The following PXDNL variants were observed in gnomAD, a reference collection of about 807,000 sequenced individuals.
PXDNL encodes probable oxidoreductase PXDNL.
PXDNL carries 145 observed loss-of-function variants against 150.8 expected under a neutral mutation model. That is an observed-to-expected ratio of 0.96 (90% CI 0.84 to 1.10). The LOEUF is 1.10. Ranked by LOEUF, PXDNL falls within the 50% of genes least tolerant of loss-of-function variation. The pLI is 0.00. For synonymous variants in PXDNL, 757 were observed against 725.7 expected (o/e 1.04, Z -0.69); for missense variants, 2,087 against 1,873.9 (o/e 1.11, Z -2.10).
At chr8:51,543,089 C>T (rs1812258242) in intron 4 of PXDNL, among the ~76,000 whole-genome samples, 1 of 152,130 alleles carries the variant, frequency 6.6e-6, no homozygotes, top group Admixed American at 6.5e-5. Flanking sequence ...CAGAGCCAGC[C>T]TGTCAAATCA....
At chr8:51,446,975 A>C (rs1809690524) in intron 12 of PXDNL, 29 bp downstream of exon 12, 2 of 1,609,624 alleles carry the variant, frequency 1.2e-6, no homozygotes, top group Non-Finnish European at 8.5e-7. Context: ...ACACTTCAGA[A>C]TGTGAATATG....
chr8:51,644,747 G>A (rs1490557192), intron 2 of PXDNL, among the ~76,000 whole-genome samples: 5 of 151,722 alleles, frequency 3.3e-5, no homozygotes, highest in Non-Finnish European at 5.9e-5. Flanking sequence ...GTGAGTCACC[G>A]CGCCGGGATG....
rs754272737 is a variant in PXDNL at position 51,408,019 on chromosome 8, T to C, written c.3557+48A>G. The C allele has an allele frequency of 3.3e-6, 5 of 1,501,134 alleles. No homozygotes were observed. The South Asian group carries it at 5.4e-5, about 16-fold the overall frequency. The allele number at this position is 1,501,134 out of a possible 1,614,324, so 93.0% of individuals were successfully genotyped here. ...CACACAAAATGACCTTTAACACTTT[T>C]ACCTCTCCTAAGAAATGTTTAAATC... On this transcript the variant is annotated intron_variant, in intron 17 of 22. Transcript: ENST00000356297.
At chr8:51,660,358 A>G (rs991969777) in intron 1 of PXDNL, among the ~76,000 whole-genome samples, 2 of 152,204 alleles carry the variant, frequency 1.3e-5, no homozygotes, top group African/African-American at 4.8e-5. Flanking sequence ...GAGGATACCC[A>G]GGCCACATAG....
At chr8:51,587,761 CTTAA>C (rs754250456) in intron 3 of PXDNL, among the ~76,000 whole-genome samples, 3 of 152,094 alleles carry the variant, frequency 2.0e-5, no homozygotes, top group Non-Finnish European at 4.4e-5. Context: ...AACTGAGAGT[CTTAA>C]TTAAGCAAAT....
At chr8:51,405,531 C>T (rs1808413219) in intron 17 of PXDNL, among the ~76,000 whole-genome samples, 1 of 152,104 alleles carries the variant, frequency 6.6e-6, no homozygotes, top group Non-Finnish European at 1.5e-5. Context: ...TAAAACCACA[C>T]TTGTAAATTA....
At chr8:51,548,094 CA>C (rs35793477) in intron 4 of PXDNL, among the ~76,000 whole-genome samples, 1,099 of 101,074 alleles carry the variant, frequency 0.011, 4 homozygotes, top group African/African-American at 0.027. Context: ...CTTCAGAATT[CA>C]AAAAAAAAAA....
chr8:51,545,963 A>G (rs573371825), intron 4 of PXDNL, among the ~76,000 whole-genome samples: 2 of 151,828 alleles, frequency 1.3e-5, no homozygotes, highest in South Asian at 2.1e-4. Flanking sequence ...TCTCATTTAA[A>G]TCAGACATGG....
chr8:51,659,409 A>C (rs1815221995), intron 1 of PXDNL, among the ~76,000 whole-genome samples: 1 of 152,226 alleles, frequency 6.6e-6, no homozygotes, highest in South Asian at 2.1e-4. Flanking sequence ...CTGCAGAAGC[A>C]ATTCGGAATC....
intron 5 of PXDNL, among the ~76,000 whole-genome samples, chr8:51,496,117 TG>T (rs1487899615): frequency 6.6e-6 from 1 of 152,230 alleles, no homozygotes; most frequent in African/African-American, 2.4e-5. Context: ...GATGCAAGGC[TG>T]GTTCAACATA....
chr8:51,635,789 T>C lies in PXDNL; in HGVS notation c.236+18900A>G, dbSNP rs571155647. Among the ~76,000 whole-genome samples, 286 of 152,112 alleles carry C rather than the reference T, an allele frequency of 1.9e-3. 1 individual carries two copies. Among genetic ancestry groups the C allele is most frequent in the African/African-American group, 6.6e-3 (276 of 41,530 alleles). ...TTTTATCAAATATTTAAAGAATTAATACCACCTCTTCTCAAAATTTTCCAA... is the reference window on the plus strand; with the variant it reads ...TTTTATCAAATATTTAAAGAATTAACACCACCTCTTCTCAAAATTTTCCAA... On this transcript the variant is annotated intron_variant, in intron 2 of 22. Coordinates refer to ENST00000356297, the MANE Select transcript of PXDNL (RefSeq NM_144651.5).
chr8:51,619,973 A>G (rs561122854), intron 2 of PXDNL, among the ~76,000 whole-genome samples: 1 of 152,214 alleles, frequency 6.6e-6, no homozygotes, highest in Admixed American at 6.5e-5. Flanking sequence ...CCATATCTCA[A>G]AAAGCTTTGA....
chr8:51,701,181 A>G (rs36075262), intron 1 of PXDNL, among the ~76,000 whole-genome samples: 104,896 of 151,978 alleles, frequency 0.69, 37,173 homozygotes, highest in East Asian at 0.82. Context: ...AATTGTATGA[A>G]TTATTATTAG....
chr8:51,600,865 A>AGAT (rs1813702750), intron 2 of PXDNL, among the ~76,000 whole-genome samples: 1 of 139,246 alleles, frequency 7.2e-6, no homozygotes, highest in South Asian at 2.2e-4. Flanking sequence ...TATATAGTTT[A>AGAT]GATAATAAAT....
intron 3 of PXDNL, among the ~76,000 whole-genome samples, chr8:51,572,883 A>G (rs1465661739): frequency 6.6e-6 from 1 of 151,968 alleles, no homozygotes; most frequent in African/African-American, 2.4e-5. Context: ...GAAATCTTGG[A>G]CATTACATAT....
chr8:51,549,416 G>A (rs1216469721), intron 4 of PXDNL, among the ~76,000 whole-genome samples: 1 of 151,956 alleles, frequency 6.6e-6, no homozygotes, highest in African/African-American at 2.4e-5. Flanking sequence ...CTCCAAGATA[G>A]AACATTATGA....
chr8:51,666,583 C>A (rs1215458853), intron 1 of PXDNL, among the ~76,000 whole-genome samples: 1 of 152,068 alleles, frequency 6.6e-6, no homozygotes, highest in African/African-American at 2.4e-5. Context: ...ATGGGCGTAC[C>A]AAAGATACCT....
In PXDNL at chr8:51,710,132, C is replaced by T. The variant is rs138282692; in HGVS notation, c.165-55372G>A. On this transcript the variant is annotated intron_variant, in intron 1 of 22. Coordinates refer to ENST00000356297, the MANE Select transcript of PXDNL (RefSeq NM_144651.5). ...TCCCTTTTGTCTGCTCTGCTAATCC[C>T]TTTAACTGCACCACTCCCAGTGTAG... Among the ~76,000 whole-genome samples the T allele has an allele frequency of 2.3e-3, 344 of 152,316 alleles. 4 individuals carry two copies. The East Asian group carries it at 0.031, about 14-fold the overall frequency.
At chr8:51,553,739 T>TA (rs1223462011) in intron 4 of PXDNL, among the ~76,000 whole-genome samples, 27 of 104,520 alleles carry the variant, frequency 2.6e-4, no homozygotes, top group African/African-American at 9.6e-4. Context: ...TGTGAGGGAT[T>TA]TTATATATAT....
Sources: allele counts gnomAD v4.1 joint callset (sites outside exome capture counted in the v4.1 genomes callset), GRCh38; gene constraint gnomAD v4.1.1; transcripts MANE v1.5; gene names NCBI Gene and HGNC (gene_info 2026-07-23, HGNC 2026-07-21).